The following SEPTIN9 variants were observed in gnomAD, a reference collection of about 807,000 sequenced individuals.
SEPTIN9 encodes septin-9.
SEPTIN9 carries 13 observed loss-of-function variants against 56.6 expected under a neutral mutation model. The observed-to-expected ratio is 0.23, with a 90% CI of 0.15 to 0.37. The LOEUF is 0.37. Among genes scored for constraint, SEPTIN9 ranks in the 10% least tolerant of loss-of-function variants. The probability of loss-of-function intolerance (pLI) is 1.00; values close to 1 mark genes in which losing one functional copy is unlikely to be tolerated. For missense variants in SEPTIN9, 650 were observed against 823.1 expected (o/e 0.79, Z 2.57); for synonymous variants, 332 against 334.1 (o/e 0.99, Z 0.07).
At chr17:77,288,922 A>T (rs2031403494) in intron 1 of SEPTIN9, among the ~76,000 whole-genome samples, 1 of 152,138 alleles carries the variant, frequency 6.6e-6, no homozygotes, top group Non-Finnish European at 1.5e-5. Context: ...GAGGTGGTGG[A>T]TTTCTCGCCA....
At chr17:77,418,207 C>T (rs905049802) in intron 3 of SEPTIN9, among the ~76,000 whole-genome samples, 21 of 152,174 alleles carry the variant, frequency 1.4e-4, no homozygotes, top group African/African-American at 4.8e-4. Flanking sequence ...TGCCTCATCT[C>T]GGAGTCCCGC....
At chr17:77,376,064 A>C in intron 2 of SEPTIN9, 1 of 983,780 alleles carries the variant, frequency 1.0e-6, no homozygotes, top group Non-Finnish European at 1.2e-6. Context: ...AAAAGTCACC[A>C]CTAGCTAGCA....
rs2033251765 is a variant in SEPTIN9 at position 77,329,086 on chromosome 17, G to T, written c.76+21889G>T. 6.6e-6 allele frequency among the ~76,000 whole-genome samples: 1 copy of T among 152,202 alleles called. No individual in the cohort carries two copies. Among genetic ancestry groups the T allele is most frequent in the Non-Finnish European group, 1.5e-5 (1 of 68,030 alleles). On this transcript the variant is annotated intron_variant, in intron 2 of 11. Coordinates refer to ENST00000427177, the MANE Select transcript of SEPTIN9 (RefSeq NM_001113491.2). The surrounding 1 kb of genome is among the most constrained non-coding windows in gnomAD (Gnocchi z 4.3). Reference sequence around the variant, plus strand: ...AGACGGGCCATGGTGACACCAATGCGACAGGCAGGGCCAGGTCGTGCCGGG... The same window carrying T: ...AGACGGGCCATGGTGACACCAATGCTACAGGCAGGGCCAGGTCGTGCCGGG...
intron 3 of SEPTIN9, chr17:77,470,997 C>T (rs1001444338): frequency 1.3e-5 from 2 of 152,252 alleles, no homozygotes; most frequent in African/African-American, 4.8e-5. Flanking sequence ...GCTTCCAGAC[C>T]TCCTCAACTC....
At chr17:77,288,026 C>G (rs932612138) in intron 1 of SEPTIN9, 7 of 1,061,802 alleles carry the variant, frequency 6.6e-6, no homozygotes, top group African/African-American at 4.9e-5. Flanking sequence ...GATGGCCACT[C>G]TGCCCTGAGT....
chr17:77,470,532 A>T (rs2038951219), intron 3 of SEPTIN9, among the ~76,000 whole-genome samples: 2 of 151,754 alleles, frequency 1.3e-5, no homozygotes, highest in South Asian at 4.2e-4. Context: ...CCATCTATCC[A>T]CTCATCCACC....
chr17:77,373,341 A>G, intron 2 of SEPTIN9: 1 of 1,176,804 alleles, frequency 8.5e-7, no homozygotes, highest in Non-Finnish European at 1.0e-6. Flanking sequence ...TCCCCCATTC[A>G]TTCAGCTGAG....
At chr17:77,477,750 C>G (rs985908598) in intron 3 of SEPTIN9, among the ~76,000 whole-genome samples, 9 of 152,160 alleles carry the variant, frequency 5.9e-5, no homozygotes, top group African/African-American at 2.2e-4. Flanking sequence ...GAGCCTGAGG[C>G]CTCTGACTCC....
rs1177922382 is a variant in SEPTIN9, at chr17:77,402,257, G to T, written c.275G>T (p.Arg92Met). 3 of 1,612,950 alleles carry T rather than the reference G, an allele frequency of 1.9e-6. No individual in the cohort carries two copies. Among genetic ancestry groups the T allele is most frequent in the Non-Finnish European group, 8.5e-7 (1 of 1,179,870 alleles). The change falls in exon 3 of 12, where the codon AGG (arginine) becomes ATG (methionine). Residue 92 changes from arginine to methionine, a missense_variant. Arg to Met is a moderately conservative substitution (Grantham distance 91, BLOSUM62 -1). Around this residue, in one of 2 missense-constraint regions of SEPTIN9, gnomAD observed 317 missense variants for 329.1 expected, o/e 0.96. Transcript: ENST00000427177. This position sits in a 1 kb window ranked among gnomAD's most constrained non-coding sequence, Gnocchi z 6.6. ...CGCTCCCCCAAGGCGTCCCTGCGGA[G>T]GGTGGAGCTCTCGGGCCCCAAGGCG... ...SQRSPKASLR[R>M]VELSGPKAAE... is the part of the protein sequence containing the mutation.
chr17:77,488,060 G>A (rs1046003685), intron 5 of SEPTIN9, among the ~76,000 whole-genome samples, 180 bp from the exon 6 acceptor site: 1 of 152,248 alleles, frequency 6.6e-6, no homozygotes, highest in Non-Finnish European at 1.5e-5. Flanking sequence ...CAGGCAAGGG[G>A]CTCCCAGGGG....
intron 2 of SEPTIN9, among the ~76,000 whole-genome samples, chr17:77,394,278 T>G (rs1394246800): frequency 6.6e-6 from 1 of 152,204 alleles, no homozygotes; most frequent in Non-Finnish European, 1.5e-5. Context: ...TACATGCTGC[T>G]GGACTCACTC....
intron 1 of SEPTIN9, among the ~76,000 whole-genome samples, chr17:77,305,835 C>T (rs1172420952): frequency 4.2e-5 from 6 of 143,840 alleles, no homozygotes. Flanking sequence ...GCTGGCTGCA[C>T]CCATTTCCAT....
In SEPTIN9 at chr17:77,363,126, C is replaced by T. The variant is rs570416372; in HGVS notation, c.77-38933C>T. On this transcript the variant is annotated intron_variant, in intron 2 of 11. Coordinates refer to ENST00000427177, the MANE Select transcript of SEPTIN9 (RefSeq NM_001113491.2). ...ACCAGGTGACAGAGGCTGCCCAGGA[C>T]GGTGGGCAGGGAAGTGACAGGTCAC... Among the ~76,000 whole-genome samples, 45 of 152,292 alleles carry T rather than the reference C, an allele frequency of 3.0e-4. 2 individuals carry two copies. In the South Asian group the frequency reaches 7.9e-3, roughly 27 times the overall value.
chr17:77,472,270 G>A (rs375870575), intron 3 of SEPTIN9, among the ~76,000 whole-genome samples: 2 of 152,218 alleles, frequency 1.3e-5, no homozygotes, highest in East Asian at 1.9e-4. Context: ...AATTGAAACC[G>A]TGCTGGCAGA....
chr17:77,490,110 A>G (rs1190609095), intron 7 of SEPTIN9, among the ~76,000 whole-genome samples: 3 of 152,208 alleles, frequency 2.0e-5, no homozygotes, highest in African/African-American at 7.2e-5. Context: ...GGCCTTGGCC[A>G]TCTCTGCTTA....
At chr17:77,466,416 GAGGGGACAGGCTCCC>G in intron 3 of SEPTIN9, 1 of 985,562 alleles carries the variant, frequency 1.0e-6, no homozygotes, top group East Asian at 1.1e-4. Flanking sequence ...AAGGGCCTGG[GAGGGGACAGGCTCCC>G]ACCCCAGGAG....
At chr17:77,361,628 TC>T (rs2034420002) in intron 2 of SEPTIN9, among the ~76,000 whole-genome samples, 1 of 152,016 alleles carries the variant, frequency 6.6e-6, no homozygotes, top group Non-Finnish European at 1.5e-5. Context: ...AGTTTTCTTT[TC>T]TTTTCTTTTC....
chr17:77,361,361 TC>T (rs2034411901), intron 2 of SEPTIN9, among the ~76,000 whole-genome samples: 1 of 152,206 alleles, frequency 6.6e-6, no homozygotes, highest in Non-Finnish European at 1.5e-5. Flanking sequence ...TGCATGTCAC[TC>T]CCTGCTGCTC....
chr17:77,333,352 G>A (rs2033432079), intron 2 of SEPTIN9, among the ~76,000 whole-genome samples: 2 of 152,180 alleles, frequency 1.3e-5, no homozygotes, highest in South Asian at 4.1e-4. Flanking sequence ...TCAGATACGT[G>A]TTTTACAAAT....
Sources: allele counts gnomAD v4.1 joint callset (sites outside exome capture counted in the v4.1 genomes callset), GRCh38; gene constraint gnomAD v4.1.1; regional missense constraint gnomAD v4.1.1; non-coding constraint Gnocchi (gnomAD v3.1); transcripts MANE v1.5; gene names NCBI Gene and HGNC (gene_info 2026-07-23, HGNC 2026-07-21).